LRP1: variants seen among roughly 807,000 people sequenced by gnomAD.
LRP1 encodes the protein LDL receptor related protein 1.
A neutral mutation model predicts 541.5 loss-of-function variants in LRP1; 51 were observed. The observed-to-expected ratio is 0.09, with a 90% CI of 0.08 to 0.12. LRP1 has a LOEUF of 0.12. Among genes scored for constraint, LRP1 ranks in the 10% least tolerant of loss-of-function variants. The probability of loss-of-function intolerance (pLI) is 1.00; values close to 1 mark genes in which losing one functional copy is unlikely to be tolerated. For synonymous variants in LRP1, 2,219 were observed against 2,470.8 expected (o/e 0.90, Z 3.02); for missense variants, 3,878 against 6,376.2 (o/e 0.61, Z 13.34).
chr12:57,157,376 C>T (rs1361989423), intron 10 of LRP1, among the ~76,000 whole-genome samples: 4 of 152,248 alleles, frequency 2.6e-5, no homozygotes, highest in South Asian at 2.1e-4. Flanking sequence ...TTTGGGAGGC[C>T]GAGGCAGGCA....
chr12:57,154,885 A>G lies in LRP1; in HGVS notation c.1227+184A>G, dbSNP rs1314801971. On this transcript the variant is annotated intron_variant, in intron 8 of 88. Coordinates refer to ENST00000243077, the MANE Select transcript of LRP1 (RefSeq NM_002332.3). The surrounding 1 kb of genome is among the most constrained non-coding windows in gnomAD (Gnocchi z 4.6). ...AGAGAAAGGACAAGATACGGGTTCC[A>G]CTGTGATGGGAACAGTCATTTTAGA... 1 of 633,666 alleles carries G rather than the reference A, an allele frequency of 1.6e-6. No homozygotes were observed. The highest frequency in any genetic ancestry group is 2.8e-6 in the Non-Finnish European group (1 of 353,238). The allele number at this position is 633,666 out of a possible 1,614,324, so 39.3% of individuals were successfully genotyped here.
Position 57,190,868 on chromosome 12 carries a change from A to G in LRP1, c.7095A>G (p.Gly2365=), listed in dbSNP as rs1262448372. The change falls in exon 43 of 89, where the codon GGA becomes GGG. Residue 2365 remains glycine (G), a synonymous_variant. Coordinates refer to ENST00000243077, the MANE Select transcript of LRP1 (RefSeq NM_002332.3). ...GCATCATGCGGGCGGCGCTCTCGGG[A>G]GCCAATGTCCTGACCCTTATCGAGA... ...HPSIMRAALS[G]ANVLTLIEKD... 2 of 1,614,000 alleles carry G rather than the reference A, an allele frequency of 1.2e-6. No individual in the cohort carries two copies. Among genetic ancestry groups the G allele is most frequent in the Non-Finnish European group, 1.7e-6 (2 of 1,179,980 alleles).
chr12:57,161,236 T>C, intron 13 of LRP1, 121 bp downstream of exon 13: 2 of 844,472 alleles, frequency 2.4e-6, no homozygotes. Context: ...TGTGCCTCTA[T>C]AGATGTGTGC....
At chr12:57,140,648 C>A (rs544353827) in intron 2 of LRP1, among the ~76,000 whole-genome samples, 1 of 152,190 alleles carries the variant, frequency 6.6e-6, no homozygotes, top group Admixed American at 6.5e-5. Flanking sequence ...GGTTCTGCAA[C>A]CTGGGAGCTA....
intron 82 of LRP1, 26 bp from the exon 83 acceptor site, chr12:57,210,692 C>T (rs745349052): frequency 2.2e-5 from 35 of 1,595,394 alleles, no homozygotes; most frequent in South Asian, 1.0e-4. Flanking sequence ...GGGCCACAGT[C>T]GCGCTCACAC....
At chr12:57,159,036 C>T (rs889604172) in intron 11 of LRP1, among the ~76,000 whole-genome samples, 3 of 152,202 alleles carry the variant, frequency 2.0e-5, no homozygotes, top group African/African-American at 7.2e-5. Context: ...ACCTTGCAGT[C>T]GCCAAAAACT....
chr12:57,187,048 G>A (rs2036283412), intron 41 of LRP1, among the ~76,000 whole-genome samples: 1 of 152,240 alleles, frequency 6.6e-6, no homozygotes, highest in East Asian at 1.9e-4. Flanking sequence ...AGAGGGTTGA[G>A]AGGTGACCAC....
In LRP1 at chr12:57,156,167, A is replaced by G; in HGVS notation, c.1301A>G (p.Gln434Arg). 6.2e-7 allele frequency: 1 copy of G among 1,614,082 alleles called. No homozygotes were observed. The highest frequency in any genetic ancestry group is 8.5e-7 in the Non-Finnish European group (1 of 1,180,016). Residue 434 changes from glutamine (Q) to arginine (R), a missense_variant, in exon 9 of 89, where the codon CAG becomes CGG. Coordinates refer to ENST00000243077, the MANE Select transcript of LRP1 (RefSeq NM_002332.3). This position sits in a 1 kb window ranked among gnomAD's most constrained non-coding sequence, Gnocchi z 5.2. Reference sequence around the variant, plus strand: ...ACCAACTCGGACAATGCCAATGCCCAGCAGAAGACGAGTGTGATCCGTGTG... The same window carrying G: ...ACCAACTCGGACAATGCCAATGCCCGGCAGAAGACGAGTGTGATCCGTGTG... Reference protein sequence around the residue: ...YATNSDNANAQQKTSVIRVNR... With the variant: ...YATNSDNANARQKTSVIRVNR...
chr12:57,157,716 A>G (rs1022336862), intron 10 of LRP1, among the ~76,000 whole-genome samples: 6 of 152,272 alleles, frequency 3.9e-5, no homozygotes, highest in Non-Finnish European at 7.3e-5. Context: ...CTGTGAAATG[A>G]AGAGGGCAAC....
rs1464512758 is a variant in LRP1 at position 57,185,230 on chromosome 12, G to A, written c.6463+25G>A. ...GGTGAGGCTGGGGCTCTGGGCTGGGGTGGAGAGGTGAGGGGGACTCTGGCC... is the reference window on the plus strand; with the variant it reads ...GGTGAGGCTGGGGCTCTGGGCTGGGATGGAGAGGTGAGGGGGACTCTGGCC... On this transcript the variant is annotated intron_variant, in intron 40 of 88. Coordinates refer to ENST00000243077, the MANE Select transcript of LRP1 (RefSeq NM_002332.3). This position sits in a 1 kb window ranked among gnomAD's most constrained non-coding sequence, Gnocchi z 4.9. The A allele has an allele frequency of 6.2e-6, 10 of 1,613,416 alleles. No homozygotes were observed. Among genetic ancestry groups the A allele is most frequent in the East Asian group, 2.2e-5 (1 of 44,876 alleles).
At chr12:57,187,771 G>A (rs1030040029) in intron 42 of LRP1, among the ~76,000 whole-genome samples, 1 of 152,208 alleles carries the variant, frequency 6.6e-6, no homozygotes, top group Non-Finnish European at 1.5e-5. Flanking sequence ...CTCTAGCTCT[G>A]GGATCCAAAG....
intron 46 of LRP1, 129 bp downstream of exon 46, chr12:57,193,433 G>A: frequency 6.6e-7 from 1 of 1,507,262 alleles, no homozygotes; most frequent in Non-Finnish European, 9.0e-7. Context: ...GCTCATGAAG[G>A]GCAGAACCAC....
intron 6 of LRP1, among the ~76,000 whole-genome samples, chr12:57,147,901 C>A (rs1285774577): frequency 6.6e-6 from 1 of 152,146 alleles, no homozygotes; most frequent in Non-Finnish European, 1.5e-5. Flanking sequence ...CTGCCTCAGG[C>A]CCAGTGTTAT....
intron 22 of LRP1, among the ~76,000 whole-genome samples, chr12:57,175,179 A>G (rs1199578447): frequency 2.6e-5 from 4 of 152,046 alleles, no homozygotes; most frequent in South Asian, 4.1e-4. Flanking sequence ...GCAGGAACAT[A>G]TCGAGACCAG....
At chr12:57,191,668 TAC>T in intron 44 of LRP1, among the ~76,000 whole-genome samples, 156 bp downstream of exon 44, 1 of 63,602 alleles carries the variant, frequency 1.6e-5, no homozygotes, top group South Asian at 5.6e-4. Flanking sequence ...CCACACCACA[TAC>T]ACACACCACA....
Position 57,206,549 on chromosome 12 carries a change from T to C in LRP1, c.11667T>C (p.Ala3889=). The change falls in exon 76 of 89, where the codon GCT becomes GCC. Residue 3889 remains alanine, a synonymous_variant. Transcript: ENST00000243077. The surrounding 1 kb of genome is among the most constrained non-coding windows in gnomAD (Gnocchi z 4.7). ...RSLFPGHPHS[A]YEQAFQGDES... ...TGTTCCCCGGCCACCCCCATTCGGC[T>C]TACGAGCAGGCATTCCAGGGTGACG... 1 of 1,614,172 alleles carries C rather than the reference T, an allele frequency of 6.2e-7. No homozygotes were observed. Among genetic ancestry groups the C allele is most frequent in the Non-Finnish European group, 8.5e-7 (1 of 1,180,032 alleles).
chr12:57,209,915 A>G, intron 80 of LRP1, 47 bp downstream of exon 80: 7 of 1,604,310 alleles, frequency 4.4e-6, no homozygotes, highest in Middle Eastern at 1.7e-4. Context: ...GCCTGTGGGC[A>G]TTGAGTCTCC....
chr12:57,179,199 G>A lies in LRP1; in HGVS notation c.4739-130G>A. 2.6e-6 allele frequency: 3 copies of A among 1,170,534 alleles called. No homozygotes were observed. The highest frequency in any genetic ancestry group is 2.4e-6 in the Non-Finnish European group (2 of 823,764). 72.5% of individuals were successfully genotyped at this position (1,170,534 alleles called of 1,614,324 possible). A position where few individuals can be genotyped will look rare whatever the true frequency, so the allele number is the denominator to read the frequency against. On this transcript the variant is annotated intron_variant, in intron 28 of 88. Coordinates refer to ENST00000243077, the MANE Select transcript of LRP1 (RefSeq NM_002332.3). This position sits in a 1 kb window ranked among gnomAD's most constrained non-coding sequence, Gnocchi z 6.8. ...AGGTCTGCCAGGGGGGCTGCACCCA[G>A]CGGGGTATGTCCACGGAGCCAAGGG...
In LRP1 at chr12:57,137,795, C is replaced by CAA. The variant is rs35342974; in HGVS notation, c.68-651_68-650dup. Among the ~76,000 whole-genome samples the CAA allele has an allele frequency of 4.7e-3, 644 of 135,672 alleles. 2 individuals carry two copies. Among genetic ancestry groups the CAA allele is most frequent in the African/African-American group, 6.2e-3 (224 of 36,052 alleles). The allele number at this position is 135,672 out of a possible 152,430, so 89.0% of individuals were successfully genotyped here. A position where few individuals can be genotyped will look rare whatever the true frequency, so the allele number is the denominator to read the frequency against. On this transcript the variant is annotated intron_variant, in intron 1 of 88. Coordinates refer to ENST00000243077, the MANE Select transcript of LRP1 (RefSeq NM_002332.3). Reference sequence around the variant, plus strand: ...TGGGGGACAGAGTGAGACCTTGTCTCAAAAAAAAAAAAAATAGGGAATGGA... The same window carrying CAA: ...TGGGGGACAGAGTGAGACCTTGTCTCAAAAAAAAAAAAAAAATAGGGAATGGA...
Sources: allele counts gnomAD v4.1 joint callset (sites outside exome capture counted in the v4.1 genomes callset), GRCh38; gene constraint gnomAD v4.1.1; non-coding constraint Gnocchi (gnomAD v3.1); transcripts MANE v1.5; gene names NCBI Gene and HGNC (gene_info 2026-07-23, HGNC 2026-07-21).